Variants in ADGRA3 observed in about 807,000 individuals in gnomAD.
The protein encoded by ADGRA3 is adhesion G protein-coupled receptor A3.
ADGRA3 carries 56 observed loss-of-function variants against 119.8 expected under a neutral mutation model. The observed-to-expected ratio is 0.47, with a 90% confidence interval of 0.38 to 0.58. The LOEUF (loss-of-function observed/expected upper bound fraction) is 0.58. Ranked by LOEUF, ADGRA3 falls within the 20% of genes least tolerant of loss-of-function variation. The probability of loss-of-function intolerance (pLI) is 0.00; values close to 1 mark genes in which losing one functional copy is unlikely to be tolerated. For missense variants in ADGRA3, 1,516 were observed against 1,649.0 expected (o/e 0.92, Z 1.40); for synonymous variants, 607 against 623.8 (o/e 0.97, Z 0.40).
intron 3 of ADGRA3, among the ~76,000 whole-genome samples, chr4:22,459,823 T>C (rs1717378117): frequency 6.6e-6 from 1 of 152,212 alleles, no homozygotes; most frequent in Non-Finnish European, 1.5e-5. Flanking sequence ...TGGTTTCTCC[T>C]TATTGCTATC....
intron 14 of ADGRA3, among the ~76,000 whole-genome samples, chr4:22,410,509 T>C (rs1715148881): frequency 6.6e-6 from 1 of 152,076 alleles, no homozygotes; most frequent in Admixed American, 6.6e-5. Flanking sequence ...AATTCAAAAC[T>C]CTTAAAATCA....
intron 1 of ADGRA3, among the ~76,000 whole-genome samples, chr4:22,481,451 A>G (rs1204632126): frequency 6.6e-6 from 1 of 152,204 alleles, no homozygotes; most frequent in East Asian, 1.9e-4. Context: ...AACAGTGTTT[A>G]AATTTTTAAA....
intron 1 of ADGRA3, among the ~76,000 whole-genome samples, chr4:22,491,110 A>T (rs1466260037): frequency 6.6e-6 from 1 of 152,240 alleles, no homozygotes; most frequent in Admixed American, 6.5e-5. Context: ...TGTGTGCCAC[A>T]TTAAATAAGC....
chr4:22,402,839 C>G (rs1411206588), intron 14 of ADGRA3, 40 bp from the exon 15 acceptor site: 1 of 1,577,572 alleles, frequency 6.3e-7, no homozygotes, highest in East Asian at 2.3e-5. Context: ...CAGTACTTCT[C>G]TCCACATTTA....
At chr4:22,477,984 T>C (rs1045799183) in intron 1 of ADGRA3, 1 of 152,214 alleles carries the variant, frequency 6.6e-6, no homozygotes, top group African/African-American at 2.4e-5. Flanking sequence ...TTTGCTGACA[T>C]CTTTGAAATT....
In ADGRA3 at chr4:22,413,697, T is replaced by A; in HGVS notation, c.1927A>T (p.Asn643Tyr). The change falls in exon 13 of 19, where the codon AAT (asparagine) becomes TAT (tyrosine). Residue 643 changes from asparagine to tyrosine, a missense_variant. This residue lies in a region of ADGRA3 where 1,088 missense variants were observed against 1,107.1 expected (regional missense o/e 0.98). Transcript: ENST00000334304. ...CCAGTGGCTGGAAAAAGCTTTCCAT[T>A]GCGGAATGCAATGAGTTGAAGCTTG... ...LYKLQLIAFRNGKLFPATGNS... is the reference protein window; with the variant it reads ...LYKLQLIAFRYGKLFPATGNS... 1 of 1,613,984 alleles carries A rather than the reference T, an allele frequency of 6.2e-7. No individual in the cohort carries two copies.
At chr4:22,401,611 A>G in intron 15 of ADGRA3, 57 bp from the exon 16 acceptor site, 2 of 1,330,680 alleles carry the variant, frequency 1.5e-6, no homozygotes, top group East Asian at 4.7e-5. Flanking sequence ...GGAGAAAACT[A>G]TGATGTTCAT....
At position 22,387,558 on chromosome 4, in the gene ADGRA3, A is replaced by C. The variant is rs1713878974; in HGVS notation, c.*147T>G. On this transcript the variant is annotated 3_prime_UTR_variant, in exon 19 of 19. Coordinates refer to ENST00000334304, the MANE Select transcript of ADGRA3 (RefSeq NM_145290.4). The stretch of plus-strand genomic sequence containing the variant: ...AAAAAATAGCAACAATTTGGGGATA[A>C]AAATAAGTAAAATCCAAAACTTCAA... The C allele has an allele frequency of 2.8e-6, 2 of 721,612 alleles. No individual in the cohort carries two copies. The highest frequency in any genetic ancestry group is 3.5e-5 in the African/African-American group (2 of 56,446). 44.7% of individuals were successfully genotyped at this position (721,612 alleles called of 1,614,324 possible).
At chr4:22,443,664 T>A (rs957225569) in intron 6 of ADGRA3, among the ~76,000 whole-genome samples, 4 of 152,150 alleles carry the variant, frequency 2.6e-5, no homozygotes, top group African/African-American at 9.6e-5. Flanking sequence ...CTATTTTAAA[T>A]GAGAAAATAC....
chr4:22,455,910 G>C lies in ADGRA3; in HGVS notation c.402-973C>G, dbSNP rs950941475. 6 of 859,348 alleles carry C rather than the reference G, an allele frequency of 7.0e-6. No homozygotes were observed. The African/African-American group carries it at 1.0e-4, about 15-fold the overall frequency. The allele number at this position is 859,348 out of a possible 1,614,324, so 53.2% of individuals were successfully genotyped here. A position where few individuals can be genotyped will look rare whatever the true frequency, so the allele number is the denominator to read the frequency against. On this transcript the variant is annotated intron_variant, in intron 3 of 18. Transcript: ENST00000334304. ...TTAAGTTTTATTAGTTGCTAGACTTGGAATAATTCATCACACTTTGAATTC... is the reference window on the plus strand; with the variant it reads ...TTAAGTTTTATTAGTTGCTAGACTTCGAATAATTCATCACACTTTGAATTC...
At chr4:22,447,133 TA>T (rs1230815135) in intron 5 of ADGRA3, among the ~76,000 whole-genome samples, 2 of 152,034 alleles carry the variant, frequency 1.3e-5, no homozygotes, top group East Asian at 3.9e-4. Context: ...TTTGGAAATT[TA>T]ATTAGTCAAA....
At chr4:22,405,263 G>A (rs189578356) in intron 14 of ADGRA3, among the ~76,000 whole-genome samples, 466 of 152,258 alleles carry the variant, frequency 3.1e-3, no homozygotes, top group Admixed American at 4.6e-3. Flanking sequence ...TTTTGGCCAG[G>A]CACAGTGACT....
At chr4:22,448,517 C>G (rs1346386887) in intron 4 of ADGRA3, among the ~76,000 whole-genome samples, 1 of 152,138 alleles carries the variant, frequency 6.6e-6, no homozygotes, top group Non-Finnish European at 1.5e-5. Flanking sequence ...GCAACTTAGT[C>G]CTGCAACTTC....
intron 10 of ADGRA3, among the ~76,000 whole-genome samples, chr4:22,430,451 T>C (rs1028784793): frequency 5.9e-5 from 9 of 152,184 alleles, no homozygotes; most frequent in African/African-American, 1.9e-4. Context: ...TGTTTCATCT[T>C]AGCAAAGAGA....
At chr4:22,491,138 A>C (rs1391973449) in intron 1 of ADGRA3, among the ~76,000 whole-genome samples, 1 of 152,214 alleles carries the variant, frequency 6.6e-6, no homozygotes, top group Non-Finnish European at 1.5e-5. Context: ...GCCTGCAGCC[A>C]GCCCTCTGAG....
chr4:22,406,738 T>C (rs1374754660), intron 14 of ADGRA3, among the ~76,000 whole-genome samples: 1 of 151,882 alleles, frequency 6.6e-6, no homozygotes, highest in East Asian at 1.9e-4. Flanking sequence ...CGCAAAGAGG[T>C]CTCCTGCCGA....
rs375478986 is a variant in ADGRA3 at position 22,401,516 on chromosome 4, A to C, written c.2396T>G (p.Val799Gly). 26 of 1,609,928 alleles carry C rather than the reference A, an allele frequency of 1.6e-5. No homozygotes were observed. In the African/African-American group the frequency reaches 3.1e-4, roughly 19 times the overall value. ...TAGGAAAATATGAAAGCACAAGTTC[A>C]CAAGCATGTGCCAGCTCTTGAGGCT... The part of the protein sequence containing the change: ...RISLKSWHML[V>G]NLCFHIFLTC... Residue 799 changes from valine to glycine, a missense_variant, in exon 16 of 19, where the codon GTG (valine) becomes GGG (glycine). Physicochemically the swap from Val to Gly is moderately radical, Grantham distance 109. Around this residue, in one of 2 missense-constraint regions of ADGRA3, gnomAD observed 1,088 missense variants for 1,107.1 expected, o/e 0.98. Transcript: ENST00000334304.
At chr4:22,435,068 C>T (rs2109059634) in intron 10 of ADGRA3, among the ~76,000 whole-genome samples, 1 of 152,304 alleles carries the variant, frequency 6.6e-6, no homozygotes, top group East Asian at 1.9e-4. Flanking sequence ...TTCTCACCAG[C>T]GACCTCTGCT....
intron 1 of ADGRA3, among the ~76,000 whole-genome samples, chr4:22,507,349 G>A (rs1719278371): frequency 6.6e-6 from 1 of 152,178 alleles, no homozygotes; most frequent in Non-Finnish European, 1.5e-5. Context: ...GTTCTCTAGA[G>A]TTAAGATTCC....
Sources: gnomAD v4.1 joint callset for allele counts (sites outside exome capture counted in the v4.1 genomes callset) on GRCh38, gnomAD v4.1.1 for gene constraint, gnomAD v4.1.1 regional missense constraint, MANE v1.5 for transcripts, NCBI Gene and HGNC (gene_info 2026-07-23, HGNC 2026-07-21) for gene names.